Variants in EFEMP1 observed in about 807,000 individuals in gnomAD.
EFEMP1 encodes the protein EGF-containing fibulin-like extracellular matrix protein 1.
In EFEMP1, 18 loss-of-function variants were observed where a neutral mutation model predicts 65.7. The observed-to-expected ratio is 0.27, with a 90% CI of 0.19 to 0.41. The LOEUF is 0.41. Ranked by LOEUF, EFEMP1 falls within the 10% of genes least tolerant of loss-of-function variation. The pLI, the probability that EFEMP1 is intolerant of heterozygous loss-of-function variation, is 1.00. For missense variants in EFEMP1, 469 were observed against 624.8 expected (o/e 0.75, Z 2.66); for synonymous variants, 237 against 219.7 (o/e 1.08, Z -0.70).
rs1432965217 is a variant in EFEMP1 at position 55,870,354 on chromosome 2, G to T, written c.1320+366C>A. Among the ~76,000 whole-genome samples, 1 of 150,072 alleles carries T rather than the reference G, an allele frequency of 6.7e-6. No individual in the cohort carries two copies. Among genetic ancestry groups the T allele is most frequent in the East Asian group, 2.0e-4 (1 of 5,084 alleles). ...TCAATGATTAGTGATACCTACTTGG[G>T]GGGTATGTTGGGTGGGGGCAGAGGC... On this transcript the variant is annotated intron_variant, in intron 11 of 11. Transcript: ENST00000355426. The surrounding 1 kb of genome is among the most constrained non-coding windows in gnomAD (Gnocchi z 5.8).
In EFEMP1 at chr2:55,870,306, G is replaced by A. The variant is rs1668753405; in HGVS notation, c.1320+414C>T. Among the ~76,000 whole-genome samples the A allele has an allele frequency of 7.0e-6, 1 of 142,690 alleles. No individual in the cohort carries two copies. 93.6% of individuals were successfully genotyped at this position (142,690 alleles called of 152,430 possible). On this transcript the variant is annotated intron_variant, in intron 11 of 11. Transcript: ENST00000355426. The surrounding 1 kb of genome is among the most constrained non-coding windows in gnomAD (Gnocchi z 5.8). ...TATTTTGGGTTTGAATTATATGTAT[G>A]TCTATGTATAATTAATTAACCATCA...
At chr2:55,875,409 T>C (rs1050313379) in intron 8 of EFEMP1, among the ~76,000 whole-genome samples, 2 of 150,770 alleles carry the variant, frequency 1.3e-5, no homozygotes, top group Non-Finnish European at 2.9e-5. Context: ...GAGGAAGTAA[T>C]ACACTTTTGA....
intron 5 of EFEMP1, among the ~76,000 whole-genome samples, chr2:55,889,457 T>C (rs1322963324): frequency 6.6e-6 from 1 of 152,214 alleles, no homozygotes; most frequent in African/African-American, 2.4e-5. Context: ...TATATCTTAC[T>C]TATGATCTTT....
chr2:55,900,314 T>TC (rs980556249), intron 5 of EFEMP1, among the ~76,000 whole-genome samples: 3 of 139,316 alleles, frequency 2.2e-5, no homozygotes, highest in Non-Finnish European at 4.7e-5. Flanking sequence ...GCCCCCACGA[T>TC]CCCCCCCACC....
chr2:55,884,763 AG>A, intron 5 of EFEMP1, among the ~76,000 whole-genome samples: 1 of 152,208 alleles, frequency 6.6e-6, no homozygotes, highest in Non-Finnish European at 1.5e-5. Flanking sequence ...TATCCTTGAC[AG>A]TTAAGCTCAC....
chr2:55,921,933 A>AAAG lies in EFEMP1; in HGVS notation c.81+424_81+426dup, dbSNP rs1253222946. ...ACTTGAGAATGCATGTCATGTACAC[A>AAAG]AAGAAGGCCATGTGTCTTTATGGTG... On this transcript the variant is annotated intron_variant, in intron 3 of 11. Coordinates refer to ENST00000355426, the MANE Select transcript of EFEMP1 (RefSeq NM_001039348.3). The surrounding 1 kb of genome is among the most constrained non-coding windows in gnomAD (Gnocchi z 4.1). The AAAG allele has an allele frequency of 4.5e-6, 1 of 220,972 alleles. No individual in the cohort carries two copies. The highest frequency in any genetic ancestry group is 9.2e-6 in the Non-Finnish European group (1 of 108,652). 13.7% of individuals were successfully genotyped at this position (220,972 alleles called of 1,614,324 possible). A position where few individuals can be genotyped will look rare whatever the true frequency, so the allele number is the denominator to read the frequency against.
At chr2:55,872,522 T>C (rs1314570649) in intron 9 of EFEMP1, among the ~76,000 whole-genome samples, 2 of 152,110 alleles carry the variant, frequency 1.3e-5, no homozygotes, top group African/African-American at 2.4e-5. Flanking sequence ...TCACACAAAC[T>C]GTGTGGAGGT....
rs1669436200 is a variant in EFEMP1, at chr2:55,886,768, G to T, written c.518-5034C>A. Among the ~76,000 whole-genome samples the T allele has an allele frequency of 6.6e-6, 1 of 152,114 alleles. No homozygotes were observed. The highest frequency in any genetic ancestry group is 1.5e-5 in the Non-Finnish European group (1 of 68,006). On this transcript the variant is annotated intron_variant, in intron 5 of 11. Coordinates refer to ENST00000355426, the MANE Select transcript of EFEMP1 (RefSeq NM_001039348.3). The surrounding 1 kb of genome is among the most constrained non-coding windows in gnomAD (Gnocchi z 4.0). ...AATAAAAGGGACTCACTGAGTGAAG[G>T]TCTTAGAGGTATTTGGAGTATTTTG...
rs1668619412 is a variant in EFEMP1 at position 55,867,407 on chromosome 2, C to T, written c.1321-173G>A. On this transcript the variant is annotated intron_variant, in intron 11 of 11. Coordinates refer to ENST00000355426, the MANE Select transcript of EFEMP1 (RefSeq NM_001039348.3). This position sits in a 1 kb window ranked among gnomAD's most constrained non-coding sequence, Gnocchi z 4.3. ...ACTCTTCTTGGCTCTTATCCCTTGTCTAATACAGTCATTAGCTCCAAGTTT... is the reference window on the plus strand; with the variant it reads ...ACTCTTCTTGGCTCTTATCCCTTGTTTAATACAGTCATTAGCTCCAAGTTT... 6.7e-6 allele frequency among the ~76,000 whole-genome samples: 1 copy of T among 150,020 alleles called. No individual in the cohort carries two copies.
rs1015034699 is a variant in EFEMP1, at chr2:55,867,586, G to A, written c.1321-352C>T. Among the ~76,000 whole-genome samples, 4 of 151,988 alleles carry A rather than the reference G, an allele frequency of 2.6e-5. No homozygotes were observed. The highest frequency in any genetic ancestry group is 9.7e-5 in the African/African-American group (4 of 41,400). ...GATAATTTCTAAACTTGTAAACAAA[G>A]TTGTCACTTTTCATTTTCTCAACAT... On this transcript the variant is annotated intron_variant, in intron 11 of 11. Transcript: ENST00000355426. The surrounding 1 kb of genome is among the most constrained non-coding windows in gnomAD (Gnocchi z 4.3).
At chr2:55,875,141 T>TAA (rs1435211621) in intron 8 of EFEMP1, 76 bp from the exon 9 acceptor site, 13 of 511,054 alleles carry the variant, frequency 2.5e-5, no homozygotes, top group South Asian at 2.1e-4. Context: ...TATATATATA[T>TAA]AAATTATATA....
At chr2:55,908,432 G>C (rs2104438285) in intron 5 of EFEMP1, among the ~76,000 whole-genome samples, 1 of 152,280 alleles carries the variant, frequency 6.6e-6, no homozygotes, top group African/African-American at 2.4e-5. Flanking sequence ...ACCAGAGGCT[G>C]AGGGTGAGAA....
chr2:55,876,721 C>T lies in EFEMP1; in HGVS notation c.782G>A (p.Ser261Asn). The part of the protein sequence containing the change: ...TCVDINECDA[S>N]NQCAQQCYNI... Reference sequence around the variant, plus strand: ...GTAGCACTGCTGAGCACATTGATTGCTGGCATCACATTCATTTATATCTGA... The same window carrying T: ...GTAGCACTGCTGAGCACATTGATTGTTGGCATCACATTCATTTATATCTGA... Residue 261 changes from serine to asparagine, a missense_variant, in exon 8 of 12, where the codon AGC becomes AAC. Transcript: ENST00000355426. 6.2e-7 allele frequency: 1 copy of T among 1,608,908 alleles called. No homozygotes were observed. Among genetic ancestry groups the T allele is most frequent in the Non-Finnish European group, 8.5e-7 (1 of 1,176,954 alleles).
At chr2:55,920,669 A>G (rs1222883076) in intron 3 of EFEMP1, among the ~76,000 whole-genome samples, 3 of 152,272 alleles carry the variant, frequency 2.0e-5, no homozygotes, top group Non-Finnish European at 4.4e-5. Context: ...TCAGTGTACT[A>G]TTAAGTAAGC....
In EFEMP1 at chr2:55,877,717, A is replaced by G. The variant is rs991946227; in HGVS notation, c.760+29T>C. 1 of 1,612,440 alleles carries G rather than the reference A, an allele frequency of 6.2e-7. No individual in the cohort carries two copies. Among genetic ancestry groups the G allele is most frequent in the African/African-American group, 1.3e-5 (1 of 74,960 alleles). ...GCATGGGGTTTCCTTTTGTGAAGAC[A>G]GAAATCAGCAAGTTCTCAAAAGGCT... On this transcript the variant is annotated intron_variant, in intron 7 of 11. Coordinates refer to ENST00000355426, the MANE Select transcript of EFEMP1 (RefSeq NM_001039348.3). The surrounding 1 kb of genome is among the most constrained non-coding windows in gnomAD (Gnocchi z 4.5).
chr2:55,922,051 A>G lies in EFEMP1; in HGVS notation c.81+309T>C, dbSNP rs183299614. The stretch of plus-strand genomic sequence containing the variant: ...CCAGGTTTTCCAGTTCCTTACACCC[A>G]TTAATTTGTTGAATGTTTTGGAAAC... On this transcript the variant is annotated intron_variant, in intron 3 of 11. Transcript: ENST00000355426. This position sits in a 1 kb window ranked among gnomAD's most constrained non-coding sequence, Gnocchi z 5.5. The G allele has an allele frequency of 1.3e-5, 5 of 372,970 alleles. No individual in the cohort carries two copies. The East Asian group carries it at 2.0e-4, about 15-fold the overall frequency. 23.1% of individuals were successfully genotyped at this position (372,970 alleles called of 1,614,324 possible). A position where few individuals can be genotyped will look rare whatever the true frequency, so the allele number is the denominator to read the frequency against.
In EFEMP1 at chr2:55,876,677, T is replaced by C; in HGVS notation, c.826A>G (p.Ile276Val). The C allele has an allele frequency of 1.9e-6, 3 of 1,612,556 alleles. No homozygotes were observed. Among genetic ancestry groups the C allele is most frequent in the Non-Finnish European group, 2.5e-6 (3 of 1,178,974 alleles). ...QQCYNILGSF[I>V]CQCNQGYELS... ...TCATATCCTTGATTGCACTGACAGA[T>C]GAATGAACCAAGAATGTTGTAGCAC... The change falls in exon 8 of 12, where the codon ATC (isoleucine) becomes GTC (valine). Residue 276 changes from isoleucine to valine, a missense_variant. This residue lies in a region of EFEMP1 where 399 missense variants were observed against 528.2 expected (regional missense o/e 0.76). Transcript: ENST00000355426.
rs1197839931 is a variant in EFEMP1, at chr2:55,865,988, A to G, written c.*1085T>C. On this transcript the variant is annotated 3_prime_UTR_variant, in exon 12 of 12. Coordinates refer to ENST00000355426, the MANE Select transcript of EFEMP1 (RefSeq NM_001039348.3). ...AGAGTGATCTTCTAAAGGAATATTT[A>G]TTTTTATTTAAAAATATGATACATC... The G allele has an allele frequency of 6.6e-6, 1 of 152,180 alleles. No individual in the cohort carries two copies. Among genetic ancestry groups the G allele is most frequent in the Non-Finnish European group, 1.5e-5 (1 of 68,028 alleles). 9.4% of individuals were successfully genotyped at this position (152,180 alleles called of 1,614,324 possible).
At chr2:55,916,257 G>A (rs1256281296) in intron 5 of EFEMP1, among the ~76,000 whole-genome samples, 1 of 152,068 alleles carries the variant, frequency 6.6e-6, no homozygotes, top group African/African-American at 2.4e-5. Flanking sequence ...CTACAGGCAT[G>A]TGCCACCATT....
Sources: allele counts gnomAD v4.1 joint callset (sites outside exome capture counted in the v4.1 genomes callset), GRCh38; gene constraint gnomAD v4.1.1; regional missense constraint gnomAD v4.1.1; non-coding constraint Gnocchi (gnomAD v3.1); transcripts MANE v1.5; gene names NCBI Gene and HGNC (gene_info 2026-07-23, HGNC 2026-07-21).